The following NFIB variants were observed in gnomAD, a reference collection of about 807,000 sequenced individuals.
The protein encoded by NFIB is nuclear factor I B.
A neutral mutation model predicts 61.5 loss-of-function variants in NFIB; 11 were observed. The ratio of observed to expected loss-of-function variants is 0.18; its 90% CI spans 0.11 to 0.30. The LOEUF (loss-of-function observed/expected upper bound fraction) is 0.30. Among genes scored for constraint, NFIB ranks in the 10% least tolerant of loss-of-function variants. The probability of loss-of-function intolerance (pLI) is 1.00; values close to 1 mark genes in which losing one functional copy is unlikely to be tolerated. For missense variants in NFIB, 471 were observed against 608.9 expected (o/e 0.77, Z 2.38); for synonymous variants, 260 against 216.5 (o/e 1.20, Z -1.76).
chr9:14,388,485 A>AG (rs1564051864), intron 1 of NFIB, among the ~76,000 whole-genome samples: 2 of 137,750 alleles, frequency 1.5e-5, no homozygotes, highest in East Asian at 2.8e-4. Context: ...GAGAGAGAGA[A>AG]AGAGAGAGAG....
At position 14,325,250 on chromosome 9, in the gene NFIB, TCTAA is replaced by T. The variant is rs1287420293; in HGVS notation, c.109-17734_109-17731del. 6.6e-5 allele frequency among the ~76,000 whole-genome samples: 10 copies of T among 152,218 alleles called. 1 individual carries two copies. The Middle Eastern group carries it at 0.031, about 469-fold the overall frequency. ...TTAAGCATTTTGGGCCTCTGGCACA[TCTAA>T]CTGAGTGATTCCAGTGTTTTTAAAT... On this transcript the variant is annotated intron_variant, in intron 1 of 8. Coordinates refer to the NFIB transcript ENST00000380934.
the NFIB span, among the ~76,000 whole-genome samples, chr9:14,473,031 G>A: frequency 3.9e-5 from 6 of 152,102 alleles, no homozygotes; most frequent in African/African-American, 1.4e-4. Flanking sequence ...AGGGGAATCC[G>A]ATGTTCAGCA....
intron 2 of NFIB, chr9:14,204,511 C>T: frequency 1.7e-6 from 2 of 1,192,372 alleles, no homozygotes; most frequent in Admixed American, 1.7e-5. Flanking sequence ...AGGACCTGGA[C>T]CACCAAACAG....
intron 1 of NFIB, among the ~76,000 whole-genome samples, chr9:14,355,838 T>G (rs1326296254): frequency 2.0e-5 from 3 of 152,090 alleles, no homozygotes; most frequent in Non-Finnish European, 4.4e-5. Context: ...GTGCCTGTAG[T>G]CCCAGCTACT....
rs139089733 is a variant in NFIB at position 14,182,056 on chromosome 9, C to A, written c.563-2276G>T. Reference sequence around the variant, plus strand: ...TTCGTAAGAAACTATCCAGCTAGAACAATGGCATCCCCTGTTACCACAACA... The same window carrying A: ...TTCGTAAGAAACTATCCAGCTAGAAAAATGGCATCCCCTGTTACCACAACA... On this transcript the variant is annotated intron_variant, in intron 2 of 10. Transcript: ENST00000380953. 1.4e-4 allele frequency among the ~76,000 whole-genome samples: 22 copies of A among 152,330 alleles called. No homozygotes were observed. The Middle Eastern group carries it at 0.01, about 71-fold the overall frequency.
intron 3 of NFIB, among the ~76,000 whole-genome samples, chr9:14,171,299 G>C (rs148536675): frequency 6.6e-6 from 1 of 152,250 alleles, no homozygotes; most frequent in African/African-American, 2.4e-5. Context: ...TCCTCGGCTA[G>C]GACTATATCC....
the NFIB span, among the ~76,000 whole-genome samples, chr9:14,417,774 GTTTTTTTTTTT>G: frequency 3.3e-5 from 3 of 91,766 alleles, no homozygotes; most frequent in South Asian, 1.2e-3. Context: ...CCTAGGAACA[GTTTTTTTTTTT>G]TTTTTTTTTT....
chr9:14,526,057 G>A, the NFIB span, among the ~76,000 whole-genome samples: 1 of 152,118 alleles, frequency 6.6e-6, no homozygotes, highest in African/African-American at 2.4e-5. Context: ...CTTTACAGCT[G>A]CCTCTACCAG....
intron 10 of NFIB, among the ~76,000 whole-genome samples, chr9:14,094,860 C>T (rs1408695963): frequency 2.6e-5 from 4 of 152,058 alleles, no homozygotes; most frequent in East Asian, 3.9e-4. Flanking sequence ...GCCCATCAAA[C>T]CTCATTAATT....
At chr9:14,339,065 C>A (rs907079590) in intron 1 of NFIB, among the ~76,000 whole-genome samples, 1 of 152,196 alleles carries the variant, frequency 6.6e-6, no homozygotes, top group African/African-American at 2.4e-5. Flanking sequence ...TTGGCCATCC[C>A]ATTTTAAACT....
intron 2 of NFIB, among the ~76,000 whole-genome samples, chr9:14,197,895 C>A (rs1293976777): frequency 6.6e-6 from 1 of 152,184 alleles, no homozygotes; most frequent in East Asian, 1.9e-4. Flanking sequence ...CCAAGAAAGA[C>A]AGCATATCTC....
At chr9:14,245,269 T>C (rs1481284882) in intron 2 of NFIB, among the ~76,000 whole-genome samples, 1 of 152,128 alleles carries the variant, frequency 6.6e-6, no homozygotes, top group Admixed American at 6.6e-5. Flanking sequence ...CACACCCAAC[T>C]CCTTCTCCCT....
Position 14,167,989 on chromosome 9 carries a change from C to T in NFIB, c.616+11738G>A, listed in dbSNP as rs149424960. On this transcript the variant is annotated intron_variant, in intron 3 of 10. Coordinates refer to ENST00000380953, the MANE Select transcript of NFIB (RefSeq NM_001190737.2). ...AGTGCTACAATTCTCAGTCAGATAC[C>T]TCTCTACAAAATTCATCATCAGTAT... 9.4e-4 allele frequency among the ~76,000 whole-genome samples: 143 copies of T among 152,238 alleles called. No homozygotes were observed. The Middle Eastern group carries it at 0.017, about 18-fold the overall frequency.
chr9:14,523,871 G>C, the NFIB span, among the ~76,000 whole-genome samples: 2 of 152,066 alleles, frequency 1.3e-5, no homozygotes, highest in African/African-American at 4.8e-5. Flanking sequence ...TTTTGCTATG[G>C]GCCTTCTTCT....
intron 2 of NFIB, among the ~76,000 whole-genome samples, chr9:14,190,885 G>A (rs2047874870): frequency 6.6e-6 from 1 of 152,126 alleles, no homozygotes; most frequent in Admixed American, 6.6e-5. Context: ...CACTTAAAGA[G>A]AACAGTTTAA....
At chr9:14,464,978 G>A in the NFIB span, among the ~76,000 whole-genome samples, 1 of 152,034 alleles carries the variant, frequency 6.6e-6, no homozygotes, top group African/African-American at 2.4e-5. Context: ...TATGAACATG[G>A]GAGTGCCATG....
At chr9:14,416,154 CA>C in the NFIB span, among the ~76,000 whole-genome samples, 4 of 152,166 alleles carry the variant, frequency 2.6e-5, no homozygotes, top group Non-Finnish European at 5.9e-5. Flanking sequence ...TCATGCACCA[CA>C]TAACCACTTT....
chr9:14,334,464 T>C (rs2132856910), intron 1 of NFIB, among the ~76,000 whole-genome samples: 1 of 152,360 alleles, frequency 6.6e-6, no homozygotes, highest in South Asian at 2.1e-4. Context: ...ATCTGCTTAT[T>C]AACCTTTTGG....
At chr9:14,433,974 G>A in the NFIB span, among the ~76,000 whole-genome samples, 5 of 152,152 alleles carry the variant, frequency 3.3e-5, no homozygotes, top group Admixed American at 6.5e-5. Flanking sequence ...GGTTGCTGCG[G>A]CCACAACGCA....
Sources: allele counts gnomAD v4.1 joint callset (sites outside exome capture counted in the v4.1 genomes callset), GRCh38; gene constraint gnomAD v4.1.1; transcripts MANE v1.5; gene names NCBI Gene and HGNC (gene_info 2026-07-23, HGNC 2026-07-21).